SLC22A16: variants seen among roughly 807,000 people sequenced by gnomAD.
SLC22A16 encodes the protein solute carrier family 22 member 16, also known as WUGSC:RG331P03.1.
SLC22A16 carries 53 observed loss-of-function variants against 52.9 expected under a neutral mutation model. The ratio of observed to expected loss-of-function variants is 1.00; its 90% CI spans 0.80 to 1.26. SLC22A16 has a LOEUF of 1.26. SLC22A16 is among the 50% of genes most tolerant of loss of function. SLC22A16 has a pLI of 0.00. For synonymous variants in SLC22A16, 291 were observed against 268.8 expected, an observed-to-expected ratio of 1.08 and a Z score of -0.81; for missense variants, 726 against 704.0, an observed-to-expected ratio of 1.03 and a Z score of -0.35.
chr6:110,462,572 CA>C (rs1775922939), intron 1 of SLC22A16, among the ~76,000 whole-genome samples: 1 of 151,380 alleles, frequency 6.6e-6, no homozygotes, highest in Admixed American at 6.6e-5. Context: ...ACAAGTCAAA[CA>C]AAAATAAAGA....
intron 1 of SLC22A16, among the ~76,000 whole-genome samples, chr6:110,471,810 CTGCA>C (rs1399026925): frequency 6.6e-6 from 1 of 152,166 alleles, no homozygotes; most frequent in Non-Finnish European, 1.5e-5. Flanking sequence ...GGACACTTTT[CTGCA>C]TATATGTAAT....
At chr6:110,452,355 C>G (rs889402907) in intron 2 of SLC22A16, among the ~76,000 whole-genome samples, 1 of 152,090 alleles carries the variant, frequency 6.6e-6, no homozygotes, top group Non-Finnish European at 1.5e-5. Context: ...ATTGTAATAA[C>G]TACAAATAAT....
chr6:110,476,031 G>T (rs1223645100), intron 1 of SLC22A16: 1 of 455,442 alleles, frequency 2.2e-6, no homozygotes, highest in South Asian at 1.6e-5. Flanking sequence ...TTTAATAAAC[G>T]GCAACCAACT....
chr6:110,459,200 C>T (rs1389064440), intron 1 of SLC22A16, among the ~76,000 whole-genome samples: 3 of 152,318 alleles, frequency 2.0e-5, no homozygotes, highest in African/African-American at 4.8e-5. Context: ...CCGCAATTTA[C>T]TCCTAAAGGG....
At chr6:110,436,648 T>TA (rs939170843) in intron 5 of SLC22A16, among the ~76,000 whole-genome samples, 66 of 151,926 alleles carry the variant, frequency 4.3e-4, no homozygotes, top group Middle Eastern at 3.4e-3. Context: ...TTACTTTTCT[T>TA]AAAAAAAACA....
At chr6:110,456,310 G>A (rs536785221) in intron 2 of SLC22A16, 21 of 533,682 alleles carry the variant, frequency 3.9e-5, no homozygotes, top group Admixed American at 1.0e-4. Flanking sequence ...ATTTGCCTGG[G>A]GTCCACAGTT....
intron 2 of SLC22A16, among the ~76,000 whole-genome samples, chr6:110,453,033 A>G (rs1391867744): frequency 6.6e-6 from 1 of 152,128 alleles, no homozygotes; most frequent in African/African-American, 2.4e-5. Context: ...CATCCATTTC[A>G]TGAATTTTTT....
At chr6:110,475,567 T>G (rs1776433486) in intron 1 of SLC22A16, among the ~76,000 whole-genome samples, 1 of 152,186 alleles carries the variant, frequency 6.6e-6, no homozygotes, top group Non-Finnish European at 1.5e-5. Context: ...ACCTTCCACC[T>G]TGAAGAACAG....
At chr6:110,454,567 A>T (rs1775509320) in intron 2 of SLC22A16, among the ~76,000 whole-genome samples, 2 of 110,914 alleles carry the variant, frequency 1.8e-5, no homozygotes, top group African/African-American at 3.5e-5. Context: ...TATATATATT[A>T]TATATAATAT....
rs1554229887 is a variant in SLC22A16, at chr6:110,476,507, G to GCCCCCCC, written c.53+14_53+15insGGGGGGG. On this transcript the variant is annotated intron_variant, in intron 1 of 7. Transcript: ENST00000368919. ...GCCGCCTCCCGCGTGGCGCCGCGGGGCCCCTCCCCCATACCTGCCGAAGTG... is the reference window on the plus strand; with the variant it reads ...GCCGCCTCCCGCGTGGCGCCGCGGGGCCCCCCCCCCCTCCCCCATACCTGCCGAAGTG... 4 of 1,072,998 alleles carry GCCCCCCC rather than the reference G, an allele frequency of 3.7e-6. No homozygotes were observed. In the African/African-American group the frequency reaches 1.1e-4, roughly 30 times the overall value. The allele number at this position is 1,072,998 out of a possible 1,614,324, so 66.5% of individuals were successfully genotyped here.
rs187801955 is a variant in SLC22A16, at chr6:110,476,381, C to G, written c.53+141G>C. On this transcript the variant is annotated intron_variant, in intron 1 of 7. Transcript: ENST00000368919. ...AGCTAGGGGCCGGCGTCTGGACGCCCGTGTCCCGACTGCGCGGGGTGAGGA... is the reference window on the plus strand; with the variant it reads ...AGCTAGGGGCCGGCGTCTGGACGCCGGTGTCCCGACTGCGCGGGGTGAGGA... 4.4e-4 allele frequency: 613 copies of G among 1,377,970 alleles called. 4 individuals carry two copies. In the African/African-American group the frequency reaches 8.7e-3, roughly 20 times the overall value. The allele number at this position is 1,377,970 out of a possible 1,614,324, so 85.4% of individuals were successfully genotyped here.
At chr6:110,476,455 G>T (rs950098193) in intron 1 of SLC22A16, 67 bp downstream of exon 1, 593 of 1,436,710 alleles carry the variant, frequency 4.1e-4, no homozygotes, top group Non-Finnish European at 5.4e-4. Context: ...GAACCCCGCC[G>T]CAACGGAAAG....
intron 1 of SLC22A16, among the ~76,000 whole-genome samples, chr6:110,470,536 A>G (rs936015398): frequency 3.3e-5 from 5 of 152,084 alleles, no homozygotes; most frequent in African/African-American, 1.2e-4. Context: ...TCCAGTCTTC[A>G]GATCCTACCA....
At chr6:110,428,350 A>AG (rs3830866) in intron 7 of SLC22A16, among the ~76,000 whole-genome samples, 51,203 of 151,962 alleles carry the variant, frequency 0.34, 8,898 homozygotes, top group East Asian at 0.41. Context: ...CTGTGGCCAG[A>AG]GCTGTCTTAG....
intron 2 of SLC22A16, among the ~76,000 whole-genome samples, chr6:110,453,064 G>T (rs1037912529): frequency 6.6e-6 from 1 of 152,144 alleles, no homozygotes; most frequent in Non-Finnish European, 1.5e-5. Flanking sequence ...GTGACAGGTT[G>T]TTAAAACTTT....
chr6:110,454,115 A>G (rs1775490986), intron 2 of SLC22A16, among the ~76,000 whole-genome samples: 1 of 152,278 alleles, frequency 6.6e-6, no homozygotes, highest in African/African-American at 2.4e-5. Context: ...ACACCGCCAC[A>G]CTGGGGATCA....
chr6:110,459,978 A>C (rs1174988876), intron 1 of SLC22A16, among the ~76,000 whole-genome samples: 1 of 152,210 alleles, frequency 6.6e-6, no homozygotes, highest in Non-Finnish European at 1.5e-5. Flanking sequence ...GAGGCATAGC[A>C]GACCTTTGAA....
Position 110,426,674 on chromosome 6 carries a change from G to A in SLC22A16, c.1522-1589C>T, listed in dbSNP as rs577572298. On this transcript the variant is annotated intron_variant, in intron 7 of 7. Coordinates refer to ENST00000368919, the MANE Select transcript of SLC22A16 (RefSeq NM_033125.4). The stretch of plus-strand genomic sequence containing the variant: ...AAAAGAAAAGCTCTCAAAGGGCTGG[G>A]CATGGTGGCTCAAGCCTATAACCCC... 1.2e-3 allele frequency among the ~76,000 whole-genome samples: 182 copies of A among 152,274 alleles called. 4 individuals are homozygous for A. In the South Asian group the frequency reaches 0.037, roughly 31 times the overall value.
intron 7 of SLC22A16, among the ~76,000 whole-genome samples, chr6:110,426,749 G>T (rs547303199): frequency 6.6e-6 from 1 of 152,162 alleles, no homozygotes; most frequent in African/African-American, 2.4e-5. Context: ...TCAGGAGTTC[G>T]AGACCAGCCT....
Sources: allele counts gnomAD v4.1 joint callset (sites outside exome capture counted in the v4.1 genomes callset), GRCh38; gene constraint gnomAD v4.1.1; transcripts MANE v1.5; gene names NCBI Gene and HGNC (gene_info 2026-07-23, HGNC 2026-07-21).